Variants in BDP1 observed in about 807,000 individuals in gnomAD.
The protein encoded by BDP1 is BDP1 general transcription factor IIIB subunit.
Under a neutral mutation model 266.6 loss-of-function variants are expected in BDP1, and 169 were observed. The observed-to-expected ratio is 0.63, with a 90% CI of 0.56 to 0.72. The LOEUF is 0.72. Ranked by LOEUF, BDP1 falls within the 30% of genes least tolerant of loss-of-function variation. BDP1 has a pLI of 0.00. For missense variants in BDP1, 3,015 were observed against 3,053.8 expected (o/e 0.99, Z 0.30); for synonymous variants, 1,090 against 1,022.4 (o/e 1.07, Z -1.26).
chr5:71,457,166 A>C (rs1761246262), intron 1 of BDP1, among the ~76,000 whole-genome samples: 1 of 152,168 alleles, frequency 6.6e-6, no homozygotes, highest in Non-Finnish European at 1.5e-5. Flanking sequence ...TTGATAATTT[A>C]ATAAATTGCC....
chr5:71,496,166 T>C (rs1763878230), intron 12 of BDP1, among the ~76,000 whole-genome samples: 1 of 146,236 alleles, frequency 6.8e-6, no homozygotes, highest in Non-Finnish European at 1.5e-5. Flanking sequence ...GGCGTGAACC[T>C]GGGAGGTAGA....
At chr5:71,484,570 A>G (rs769025140) in intron 8 of BDP1, among the ~76,000 whole-genome samples, 26 of 152,190 alleles carry the variant, frequency 1.7e-4, no homozygotes, top group Non-Finnish European at 3.2e-4. Context: ...AAGGAATGAT[A>G]GATATCTTGC....
At chr5:71,496,672 T>A (rs1213382617) in intron 12 of BDP1, among the ~76,000 whole-genome samples, 1 of 152,134 alleles carries the variant, frequency 6.6e-6, no homozygotes, top group African/African-American at 2.4e-5. Context: ...AACCCCCGCC[T>A]CCCGGGTTCA....
At chr5:71,527,640 T>C (rs1765973314) in intron 25 of BDP1, among the ~76,000 whole-genome samples, 1 of 152,142 alleles carries the variant, frequency 6.6e-6, no homozygotes, top group African/African-American at 2.4e-5. Flanking sequence ...TGTGTGTGTA[T>C]CATGTTTTGT....
intron 26 of BDP1, among the ~76,000 whole-genome samples, chr5:71,534,659 G>C (rs903703418): frequency 6.6e-6 from 1 of 151,914 alleles, no homozygotes; most frequent in Non-Finnish European, 1.5e-5. Context: ...ACCACATTTT[G>C]AGACGGAGTT....
In BDP1 at chr5:71,547,362, AACTT is replaced by A. The variant is rs567883355; in HGVS notation, c.6745-1317_6745-1314del. Among the ~76,000 whole-genome samples, 17 of 152,132 alleles carry A rather than the reference AACTT, an allele frequency of 1.1e-4. No individual in the cohort carries two copies. In the East Asian group the frequency reaches 1.9e-3, roughly 17 times the overall value. On this transcript the variant is annotated intron_variant, in intron 32 of 38. Transcript: ENST00000358731. ...TAATTGCTTCCTCATTACTAGATTC[AACTT>A]ACATATTTTAGGGCAAGATTACTAT...
chr5:71,551,508 C>A (rs1309590087), intron 34 of BDP1, among the ~76,000 whole-genome samples: 1 of 152,244 alleles, frequency 6.6e-6, no homozygotes, highest in Non-Finnish European at 1.5e-5. Flanking sequence ...CCCATGTCTA[C>A]TTCTTTCTAC....
intron 34 of BDP1, 23 bp from the exon 35 acceptor site, chr5:71,553,093 G>A (rs779146692): frequency 7.1e-6 from 11 of 1,550,992 alleles, no homozygotes; most frequent in South Asian, 1.2e-5. Context: ...CAGTAATTTA[G>A]TATGTATTTC....
Position 71,501,527 on chromosome 5 carries a change from G to A in BDP1, c.1957-35G>A, listed in dbSNP as rs370617670. 8.9e-6 allele frequency: 11 copies of A among 1,231,812 alleles called. No individual in the cohort carries two copies. In the East Asian group the frequency reaches 9.3e-5, roughly 10 times the overall value. The allele number at this position is 1,231,812 out of a possible 1,614,324, so 76.3% of individuals were successfully genotyped here. The stretch of plus-strand genomic sequence containing the variant: ...TATTACAAAGTTTGAACTGTTTATT[G>A]TAAGTAGATAAATTGTAGCAAATTA... On this transcript the variant is annotated intron_variant, in intron 13 of 38. Coordinates refer to ENST00000358731, the MANE Select transcript of BDP1 (RefSeq NM_018429.3).
intron 32 of BDP1, among the ~76,000 whole-genome samples, chr5:71,546,661 A>T (rs1742342166): frequency 6.8e-6 from 1 of 146,558 alleles, no homozygotes; most frequent in Admixed American, 6.9e-5. Context: ...AAACTGAATC[A>T]TTTGAAAGTA....
chr5:71,541,764 A>G, intron 29 of BDP1, 82 bp downstream of exon 29: 1 of 857,692 alleles, frequency 1.2e-6, no homozygotes, highest in Non-Finnish European at 1.7e-6. Context: ...CTTTAAATGT[A>G]AAGTAGGCAA....
intron 25 of BDP1, among the ~76,000 whole-genome samples, chr5:71,529,646 A>G (rs1049456687): frequency 7.2e-5 from 11 of 152,340 alleles, no homozygotes; most frequent in Admixed American, 6.5e-4. Flanking sequence ...AGCTACAATC[A>G]TGCCACTGCA....
intron 34 of BDP1, among the ~76,000 whole-genome samples, chr5:71,551,366 G>A (rs1008736564): frequency 1.4e-4 from 22 of 152,224 alleles, no homozygotes; most frequent in African/African-American, 3.6e-4. Context: ...ATCTTGCACC[G>A]CCCTTAATCC....
intron 5 of BDP1, 54 bp downstream of exon 5, chr5:71,466,275 T>C: frequency 6.2e-7 from 1 of 1,601,336 alleles, no homozygotes; most frequent in Non-Finnish European, 8.5e-7. Flanking sequence ...CAAACATGCT[T>C]TGTCTAGTGA....
chr5:71,571,109 A>C (rs904035847), downstream of BDP1, among the ~76,000 whole-genome samples: 3 of 152,250 alleles, frequency 2.0e-5, no homozygotes, highest in African/African-American at 7.2e-5. Flanking sequence ...AGTATATAGA[A>C]GAATAGTGCT....
rs778662244 is a variant in BDP1, at chr5:71,495,306, A to G, written c.1697A>G (p.Asp566Gly). ...ATESSESSTS[D>G]LPSFEVGIRA... ...GAGTCTTCAGAATCAAGCACTTCAGATTTGCCTTCATTCGAAGTTGGAATT... is the reference window on the plus strand; with the variant it reads ...GAGTCTTCAGAATCAAGCACTTCAGGTTTGCCTTCATTCGAAGTTGGAATT... The change falls in exon 12 of 39, where the codon GAT becomes GGT. Residue 566 changes from aspartate to glycine, a missense_variant. Asp to Gly is a moderately conservative substitution (Grantham distance 94). This residue lies in a region of BDP1 where 2,383 missense variants were observed against 2,404.9 expected (regional missense o/e 0.99). Transcript: ENST00000358731. The G allele has an allele frequency of 1.9e-6, 3 of 1,607,182 alleles. No homozygotes were observed. Among genetic ancestry groups the G allele is most frequent in the Non-Finnish European group, 2.6e-6 (3 of 1,176,070 alleles).
chr5:71,560,350 C>G, intron 37 of BDP1, 113 bp downstream of exon 37: 2 of 1,150,182 alleles, frequency 1.7e-6, no homozygotes, highest in South Asian at 3.6e-5. Flanking sequence ...CATATTCCTC[C>G]ATCAGTAATG....
intron 4 of BDP1, among the ~76,000 whole-genome samples, chr5:71,465,710 G>A (rs1285451858): frequency 6.6e-6 from 1 of 151,998 alleles, no homozygotes; most frequent in South Asian, 2.1e-4. Flanking sequence ...GTGAAAACCC[G>A]TCTCTACTAA....
rs567090162 is a variant in BDP1 at position 71,455,827 on chromosome 5, C to G, written c.-51C>G. The G allele has an allele frequency of 7.7e-5, 115 of 1,493,594 alleles. No individual in the cohort carries two copies. The highest frequency in any genetic ancestry group is 3.9e-4 in the South Asian group (31 of 79,748). 92.5% of individuals were successfully genotyped at this position (1,493,594 alleles called of 1,614,324 possible). ...CCCTTTCCGGGCAGCCGCCGGGGCTCGGGGCTGTGAGCGGCCGTGAGGCTG... is the reference window on the plus strand; with the variant it reads ...CCCTTTCCGGGCAGCCGCCGGGGCTGGGGGCTGTGAGCGGCCGTGAGGCTG... On this transcript the variant is annotated 5_prime_UTR_variant, in exon 1 of 39. Coordinates refer to ENST00000358731, the MANE Select transcript of BDP1 (RefSeq NM_018429.3).
Sources: gnomAD v4.1 joint callset for allele counts (sites outside exome capture counted in the v4.1 genomes callset) on GRCh38, gnomAD v4.1.1 for gene constraint, gnomAD v4.1.1 regional missense constraint, MANE v1.5 for transcripts, NCBI Gene and HGNC (gene_info 2026-07-23, HGNC 2026-07-21) for gene names.